PDSS2: variants seen among roughly 807,000 people sequenced by gnomAD.
The protein encoded by PDSS2 is decaprenyl diphosphate synthase subunit 2, also known as all trans-polyprenyl-diphosphate synthase PDSS2.
PDSS2 carries 31 observed loss-of-function variants against 44.5 expected under a neutral mutation model. The ratio of observed to expected loss-of-function variants is 0.70; its 90% CI spans 0.52 to 0.94. PDSS2 has a LOEUF of 0.94. Among genes scored for constraint, PDSS2 ranks in the 40% least tolerant of loss-of-function variants. The pLI is 0.00. For missense variants in PDSS2, 452 were observed against 482.2 expected, an observed-to-expected ratio of 0.94 and a Z score of 0.59; for synonymous variants, 157 against 180.3, an observed-to-expected ratio of 0.87 and a Z score of 1.03.
chr6:107,354,599 T>C (rs1034520212), intron 1 of PDSS2, among the ~76,000 whole-genome samples: 1 of 152,202 alleles, frequency 6.6e-6, no homozygotes, highest in Non-Finnish European at 1.5e-5. Context: ...TTCCTGCATG[T>C]ATTATCAGCA....
At chr6:107,291,531 T>G (rs1011274113) in intron 2 of PDSS2, among the ~76,000 whole-genome samples, 2 of 121,676 alleles carry the variant, frequency 1.6e-5, no homozygotes, top group African/African-American at 5.8e-5. Context: ...GTTAGTTTTT[T>G]TTTTTTTTTT....
At position 107,432,775 on chromosome 6, in the gene PDSS2, C is replaced by CAA. The variant is rs1010180345; in HGVS notation, c.296+26213_296+26214dup. The stretch of plus-strand genomic sequence containing the variant: ...ACTGTCTCAAAAACAAAAACAAAAA[C>CAA]AAACAAAAAAAATCCTCTCTTCTAG... On this transcript the variant is annotated intron_variant, in intron 1 of 7. Transcript: ENST00000369037. Among the ~76,000 whole-genome samples the CAA allele has an allele frequency of 6.5e-5, 6 of 92,772 alleles. No individual in the cohort carries two copies. The East Asian group carries it at 1.2e-3, about 19-fold the overall frequency. 60.9% of individuals were successfully genotyped at this position (92,772 alleles called of 152,430 possible). A position where few individuals can be genotyped will look rare whatever the true frequency, so the allele number is the denominator to read the frequency against.
At chr6:107,159,944 G>C (rs1003277663) in intron 7 of PDSS2, among the ~76,000 whole-genome samples, 4 of 151,956 alleles carry the variant, frequency 2.6e-5, no homozygotes, top group African/African-American at 9.7e-5. Flanking sequence ...GGCTGGGTGC[G>C]GTGGCTCACT....
At chr6:107,178,271 T>C (rs117957181) in intron 7 of PDSS2, among the ~76,000 whole-genome samples, 69 of 152,324 alleles carry the variant, frequency 4.5e-4, no homozygotes, top group Non-Finnish European at 8.4e-4. Context: ...TCTAGGTAGG[T>C]TGCATCAGTG....
At chr6:107,419,884 T>C (rs1301892837) in intron 1 of PDSS2, among the ~76,000 whole-genome samples, 1 of 152,220 alleles carries the variant, frequency 6.6e-6, no homozygotes, top group African/African-American at 2.4e-5. Context: ...TGTCCAAAGA[T>C]TGATCTCCAT....
intron 1 of PDSS2, among the ~76,000 whole-genome samples, chr6:107,433,656 T>A (rs1781261826): frequency 6.6e-6 from 1 of 152,216 alleles, no homozygotes; most frequent in Non-Finnish European, 1.5e-5. Flanking sequence ...GATTTCAAAC[T>A]ATGAAACTAC....
At chr6:107,283,807 C>T (rs557189563) in intron 2 of PDSS2, among the ~76,000 whole-genome samples, 26 of 152,006 alleles carry the variant, frequency 1.7e-4, no homozygotes, top group African/African-American at 4.1e-4. Context: ...CCAAGGCAGG[C>T]GAATCACCTG....
intron 1 of PDSS2, among the ~76,000 whole-genome samples, chr6:107,401,974 C>T (rs1184923568): frequency 6.6e-6 from 1 of 152,006 alleles, no homozygotes; most frequent in Non-Finnish European, 1.5e-5. Context: ...GAAACCCTGT[C>T]TCTATTAAAA....
intron 2 of PDSS2, among the ~76,000 whole-genome samples, chr6:107,324,555 CCT>C (rs1446921294): frequency 6.6e-6 from 1 of 152,036 alleles, no homozygotes; most frequent in Non-Finnish European, 1.5e-5. Flanking sequence ...AATAAAGTCA[CCT>C]TTAGACCATT....
Position 107,302,275 on chromosome 6 carries a change from CT to C in PDSS2, c.432-28049del, listed in dbSNP as rs780389298. On this transcript the variant is annotated intron_variant, in intron 2 of 7. Coordinates refer to ENST00000369037, the MANE Select transcript of PDSS2 (RefSeq NM_020381.4). ...TGCCATCTCATTTTAAACTTTCCCT[CT>C]TTTTTTTTTTTTGAGACAGAGTCTT... is the stretch of plus-strand genomic sequence containing the variant. Among the ~76,000 whole-genome samples, 408 of 143,624 alleles carry C rather than the reference CT, an allele frequency of 2.8e-3. 1 individual carries two copies. The highest frequency in any genetic ancestry group is 4.6e-3 in the African/African-American group (183 of 39,478). 94.2% of individuals were successfully genotyped at this position (143,624 alleles called of 152,430 possible).
chr6:107,456,379 C>T (rs1036530931), intron 1 of PDSS2, among the ~76,000 whole-genome samples: 2 of 152,064 alleles, frequency 1.3e-5, no homozygotes, highest in Admixed American at 6.6e-5. Context: ...GAATTTCACA[C>T]ACAGTAAAAA....
At chr6:107,227,382 A>G (rs1189185725) in intron 4 of PDSS2, among the ~76,000 whole-genome samples, 3 of 141,642 alleles carry the variant, frequency 2.1e-5, no homozygotes, top group Non-Finnish European at 4.5e-5. Context: ...TCCGCCTCCC[A>G]GGTTCAAGCG....
chr6:107,339,158 C>T (rs541249560), intron 1 of PDSS2, among the ~76,000 whole-genome samples: 128 of 152,300 alleles, frequency 8.4e-4, no homozygotes, highest in Non-Finnish European at 1.4e-3. Flanking sequence ...AGAAGCTGCA[C>T]GGACTCTGAC....
At chr6:107,182,213 A>C (rs1191459747) in intron 7 of PDSS2, among the ~76,000 whole-genome samples, 1 of 152,238 alleles carries the variant, frequency 6.6e-6, no homozygotes, top group Non-Finnish European at 1.5e-5. Flanking sequence ...ATAGGAATGA[A>C]TAATGTCGAG....
At chr6:107,449,629 T>C (rs764793390) in intron 1 of PDSS2, among the ~76,000 whole-genome samples, 2 of 152,120 alleles carry the variant, frequency 1.3e-5, no homozygotes, top group Non-Finnish European at 2.9e-5. Context: ...GGTTCATCCA[T>C]ATTATGACAC....
At chr6:107,342,804 A>G (rs1046214394) in intron 1 of PDSS2, among the ~76,000 whole-genome samples, 11 of 152,152 alleles carry the variant, frequency 7.2e-5, no homozygotes, top group African/African-American at 1.9e-4. Context: ...CTTTTGATAA[A>G]TTTATAATCA....
At chr6:107,308,804 C>A (rs138550571) in intron 2 of PDSS2, among the ~76,000 whole-genome samples, 1 of 152,314 alleles carries the variant, frequency 6.6e-6, no homozygotes, top group Non-Finnish European at 1.5e-5. Flanking sequence ...TGCTGCTGAT[C>A]CCAACAGGGC....
chr6:107,212,352 A>G, intron 4 of PDSS2, 70 bp from the exon 5 acceptor site: 1 of 1,312,524 alleles, frequency 7.6e-7, no homozygotes, highest in Non-Finnish European at 1.1e-6. Context: ...TTTTTGAAGA[A>G]TAAAAAAGTT....
At chr6:107,214,790 T>C (rs868252469) in intron 4 of PDSS2, among the ~76,000 whole-genome samples, 33 of 152,346 alleles carry the variant, frequency 2.2e-4, no homozygotes, top group African/African-American at 7.5e-4. Flanking sequence ...CTTAACTTCA[T>C]GCAATGTTTT....
Sources: allele counts gnomAD v4.1 joint callset (sites outside exome capture counted in the v4.1 genomes callset), GRCh38; gene constraint gnomAD v4.1.1; transcripts MANE v1.5; gene names NCBI Gene and HGNC (gene_info 2026-07-23, HGNC 2026-07-21).